SLC29A3: variants seen among roughly 807,000 people sequenced by gnomAD.
The protein encoded by SLC29A3 is solute carrier family 29 member 3.
Under a neutral mutation model 25.4 loss-of-function variants are expected in SLC29A3, and 18 were observed. That is an observed-to-expected ratio of 0.71 (90% CI 0.49 to 1.05). The LOEUF (loss-of-function observed/expected upper bound fraction) is 1.05, where lower values mean the gene tolerates loss of function less well. Among genes scored for constraint, SLC29A3 ranks in the 50% least tolerant of loss-of-function variants. SLC29A3 has a pLI of 0.00. For missense variants in SLC29A3, 586 were observed against 609.0 expected (o/e 0.96, Z 0.40); for synonymous variants, 258 against 267.1 (o/e 0.97, Z 0.33).
At chr10:71,321,880 GC>G (rs1845853369) in intron 1 of SLC29A3, among the ~76,000 whole-genome samples, 1 of 152,220 alleles carries the variant, frequency 6.6e-6, no homozygotes, top group Non-Finnish European at 1.5e-5. Flanking sequence ...CCCAGGCTTG[GC>G]CATTTACGTG....
chr10:71,356,169 C>A lies in SLC29A3; in HGVS notation c.699C>A (p.Phe233Leu), dbSNP rs769743060. ...SSDVRNSALA[F>L]FLTATVFLVL... ...ATGTGAGGAACAGCGCCCTGGCCTT[C>A]TTCCTGACGGCCACTGTCTTCCTCG... Residue 233 changes from phenylalanine (F) to leucine (L), a missense_variant, in exon 5 of 6, where the codon TTC (phenylalanine) becomes TTA (leucine). Transcript: ENST00000373189. 6.2e-7 allele frequency: 1 copy of A among 1,614,172 alleles called. No homozygotes were observed. The highest frequency in any genetic ancestry group is 8.5e-7 in the Non-Finnish European group (1 of 1,180,004).
chr10:71,354,519 G>A (rs1846845694), intron 4 of SLC29A3, among the ~76,000 whole-genome samples: 1 of 152,230 alleles, frequency 6.6e-6, no homozygotes, highest in Admixed American at 6.5e-5. Context: ...GAGGCCACAG[G>A]CAGAGCATGG....
chr10:71,333,114 A>G (rs1846159412), intron 2 of SLC29A3, among the ~76,000 whole-genome samples: 1 of 152,238 alleles, frequency 6.6e-6, no homozygotes, highest in African/African-American at 2.4e-5. Flanking sequence ...TGATATCACA[A>G]GTGTCCAGAG....
Position 71,363,277 on chromosome 10 carries a change from A to G in SLC29A3, c.*669A>G, listed in dbSNP as rs1847118076. ...GGTTTTCAAAAAAAGAGGGATCCTC[A>G]TGACCTGGTGGTCTATGGCCTGGGT... On this transcript the variant is annotated 3_prime_UTR_variant, in exon 6 of 6. Transcript: ENST00000373189. 2.2e-6 allele frequency: 1 copy of G among 454,032 alleles called. No homozygotes were observed. The allele number at this position is 454,032 out of a possible 1,614,324, so 28.1% of individuals were successfully genotyped here.
At chr10:71,365,237 GAAA>G (rs1180184671), downstream of SLC29A3, 2 of 151,856 alleles carry the variant, frequency 1.3e-5, no homozygotes, top group South Asian at 4.2e-4. Context: ...GTCTCAAAAA[GAAA>G]AAAAGAAAGA....
chr10:71,369,008 G>A (rs558137348), intron 3 of SLC29A3, among the ~76,000 whole-genome samples: 60 of 152,322 alleles, frequency 3.9e-4, no homozygotes, highest in African/African-American at 1.4e-3. Flanking sequence ...ATGGTATTAG[G>A]AGGTTGGATG....
intron 2 of SLC29A3, among the ~76,000 whole-genome samples, chr10:71,327,724 CT>C (rs1846004322): frequency 8.9e-6 from 1 of 112,098 alleles, no homozygotes; most frequent in Non-Finnish European, 1.7e-5. Flanking sequence ...CACCCCCACA[CT>C]TTGACTCCAC....
rs958988782 is a variant in SLC29A3 at position 71,378,676 on chromosome 10, G to C, written c.*212-1090G>C. ...CTAAAATTGTAGGGGCTGGGGCCCA[G>C]TCATTGGTGTTTTAACAAGCCCTCC... On this transcript the variant is annotated intron_variant and NMD_transcript_variant, in intron 4 of 4. Transcript: ENST00000642772. Among the ~76,000 whole-genome samples, 5 of 152,236 alleles carry C rather than the reference G, an allele frequency of 3.3e-5. No individual in the cohort carries two copies. In the East Asian group the frequency reaches 9.6e-4, roughly 29 times the overall value.
At chr10:71,349,323 C>T (rs369217415) in intron 3 of SLC29A3, among the ~76,000 whole-genome samples, 1 of 152,120 alleles carries the variant, frequency 6.6e-6, no homozygotes, top group Non-Finnish European at 1.5e-5. Context: ...CCCTGGGCTC[C>T]GTGTGTCTCT....
At chr10:71,333,721 C>T (rs1193466501) in intron 2 of SLC29A3, among the ~76,000 whole-genome samples, 3 of 152,368 alleles carry the variant, frequency 2.0e-5, no homozygotes, top group African/African-American at 7.2e-5. Context: ...TTCCTCTTTT[C>T]CCTATCACAT....
chr10:71,358,758 G>A (rs1246491700), intron 5 of SLC29A3, among the ~76,000 whole-genome samples: 1 of 152,216 alleles, frequency 6.6e-6, no homozygotes, highest in Non-Finnish European at 1.5e-5. Context: ...ACAAGGGACT[G>A]TAAGTATTAA....
At chr10:71,325,461 C>T (rs999844094) in intron 2 of SLC29A3, among the ~76,000 whole-genome samples, 4 of 152,184 alleles carry the variant, frequency 2.6e-5, no homozygotes, top group African/African-American at 7.2e-5. Flanking sequence ...ATGCGGGCCA[C>T]GCCCCAGGGA....
Position 71,323,050 on chromosome 10 carries a change from T to A in SLC29A3, c.296T>A (p.Ile99Asn). ...GGGGAGGACCCTGAGGGCTCAGACA[T>A]CCTGGTAAGGGCATGTTTCTCCTGC... ...ATGEDPEGSD[I>N]LNYFESYLAV... is the part of the protein sequence containing the mutation. Residue 99 changes from isoleucine to asparagine, a missense_variant, in exon 2 of 6, where the codon ATC becomes AAC. Coordinates refer to ENST00000373189, the MANE Select transcript of SLC29A3 (RefSeq NM_018344.6). The A allele has an allele frequency of 6.2e-7, 1 of 1,612,996 alleles. No homozygotes were observed. Among genetic ancestry groups the A allele is most frequent in the Non-Finnish European group, 8.5e-7 (1 of 1,180,038 alleles).
At chr10:71,357,308 G>A (rs1589241321) in intron 5 of SLC29A3, among the ~76,000 whole-genome samples, 1 of 152,054 alleles carries the variant, frequency 6.6e-6, no homozygotes, top group Non-Finnish European at 1.5e-5. Flanking sequence ...CCAGCTACTC[G>A]GGCGGCTGAG....
At chr10:71,365,703 G>T (rs1373195373), downstream of SLC29A3, 1 of 152,070 alleles carries the variant, frequency 6.6e-6, no homozygotes, top group Non-Finnish European at 1.5e-5. Flanking sequence ...AGGCAGAAGG[G>T]TGGATGGGGG....
chr10:71,354,457 G>A (rs1454446636), intron 4 of SLC29A3, among the ~76,000 whole-genome samples: 1 of 152,184 alleles, frequency 6.6e-6, no homozygotes, highest in Non-Finnish European at 1.5e-5. Flanking sequence ...TGGTGGAGAG[G>A]CTGGGGAAAG....
chr10:71,322,106 A>C (rs1023581119), intron 1 of SLC29A3, among the ~76,000 whole-genome samples: 1 of 152,200 alleles, frequency 6.6e-6, no homozygotes, highest in African/African-American at 2.4e-5. Context: ...CAAGAGACAC[A>C]AATAAGAATG....
In SLC29A3 at chr10:71,372,691, G is replaced by A. The variant is rs139819571; in HGVS notation, c.*95-3004G>A. ...TGTTCCAGTTGAGGCCTCAGGAACC[G>A]GAAAGTCTTTAATGAAGCTAATGCA... On this transcript the variant is annotated intron_variant and NMD_transcript_variant, in intron 3 of 4. Coordinates refer to the SLC29A3 transcript ENST00000642772. Among the ~76,000 whole-genome samples the A allele has an allele frequency of 1.9e-3, 292 of 152,278 alleles. 5 individuals are homozygous for A. The South Asian group carries it at 0.022, about 11-fold the overall frequency.
intron 4 of SLC29A3, among the ~76,000 whole-genome samples, chr10:71,354,959 A>G (rs988737339): frequency 2.0e-5 from 3 of 152,194 alleles, no homozygotes; most frequent in African/African-American, 7.2e-5. Context: ...CTGCACACAG[A>G]CCTTCTGACT....
Sources: allele counts gnomAD v4.1 joint callset (sites outside exome capture counted in the v4.1 genomes callset), GRCh38; gene constraint gnomAD v4.1.1; transcripts MANE v1.5; gene names NCBI Gene and HGNC (gene_info 2026-07-23, HGNC 2026-07-21).